Variants in GRHL2 observed in about 807,000 individuals in gnomAD.
GRHL2 encodes the protein grainyhead like transcription factor 2, also known as grainyhead-like protein 2 homolog.
In GRHL2, 21 loss-of-function variants were observed where a neutral mutation model predicts 83.8. That is an observed-to-expected ratio of 0.25 (90% CI 0.18 to 0.36). The LOEUF (loss-of-function observed/expected upper bound fraction) is 0.36. Ranked by LOEUF, GRHL2 falls within the 10% of genes least tolerant of loss-of-function variation. The pLI is 1.00. For synonymous variants in GRHL2, 280 were observed against 278.9 expected (o/e 1.00, Z -0.04); for missense variants, 623 against 781.8 (o/e 0.80, Z 2.42).
chr8:101,656,690 G>A (rs1013458228), intron 14 of GRHL2, among the ~76,000 whole-genome samples: 1 of 152,190 alleles, frequency 6.6e-6, no homozygotes, highest in Non-Finnish European at 1.5e-5. Flanking sequence ...CTTCTGAAAT[G>A]AGAATAATAA....
chr8:101,577,552 C>T (rs780649285), intron 7 of GRHL2, 33 bp downstream of exon 7: 6 of 1,374,210 alleles, frequency 4.4e-6, no homozygotes, highest in African/African-American at 1.4e-5. Context: ...GTATAGTCCT[C>T]GATAAACTGA....
At chr8:101,529,206 G>A in intron 1 of GRHL2, 1 of 258,712 alleles carries the variant, frequency 3.9e-6, no homozygotes, top group South Asian at 3.9e-5. Flanking sequence ...AGGCCAAGGT[G>A]GGCGGATCAT....
intron 14 of GRHL2, among the ~76,000 whole-genome samples, chr8:101,660,959 T>A (rs1278378147): frequency 6.6e-6 from 1 of 152,218 alleles, no homozygotes; most frequent in African/African-American, 2.4e-5. Context: ...TAGATTTTTC[T>A]TTGTCCTTTT....
the GRHL2 span, among the ~76,000 whole-genome samples, chr8:101,674,780 C>T: frequency 2.0e-5 from 3 of 152,106 alleles, no homozygotes; most frequent in Non-Finnish European, 4.4e-5. Context: ...GACCAATATC[C>T]TTGATGAACA....
chr8:101,636,039 C>T (rs1175632449), intron 11 of GRHL2, among the ~76,000 whole-genome samples: 1 of 152,108 alleles, frequency 6.6e-6, no homozygotes. Flanking sequence ...ATGTCTGATA[C>T]TAACTCAGGT....
chr8:101,583,207 A>G (rs1267230291), intron 7 of GRHL2, among the ~76,000 whole-genome samples: 1 of 152,222 alleles, frequency 6.6e-6, no homozygotes, highest in Non-Finnish European at 1.5e-5. Flanking sequence ...GGATATCTGT[A>G]TTTCAGGGAG....
In GRHL2 at chr8:101,632,297, G is replaced by A. The variant is rs1435558991; in HGVS notation, c.1417G>A (p.Asp473Asn). 1.2e-6 allele frequency: 2 copies of A among 1,613,918 alleles called. No individual in the cohort carries two copies. The highest frequency in any genetic ancestry group is 2.2e-5 in the East Asian group (1 of 44,878). The change falls in exon 11 of 16, where the codon GAT (aspartate) becomes AAT (asparagine). Residue 473 changes from aspartate (D) to asparagine (N), a missense_variant. By Grantham distance (23) the Asp-to-Asn change is conservative (BLOSUM62 1). Around this residue, in one of 8 missense-constraint regions of GRHL2, gnomAD observed 210 missense variants for 254.8 expected, o/e 0.82. Coordinates refer to ENST00000646743, the MANE Select transcript of GRHL2 (RefSeq NM_024915.4). ...SDITYFKTMP[D>N]LHSQPVLFIP... ...CATCACCTACTTCAAAACCATGCCT[G>A]ATCTCCACTCACAGCCAGTTCTCTT...
intron 1 of GRHL2, among the ~76,000 whole-genome samples, chr8:101,520,283 G>T (rs1384370006): frequency 6.6e-6 from 1 of 152,168 alleles, no homozygotes; most frequent in African/African-American, 2.4e-5. Context: ...AGTATGTGAG[G>T]TTACAAATTG....
chr8:101,514,811 GA>G (rs1406480381), intron 1 of GRHL2, among the ~76,000 whole-genome samples: 1 of 152,128 alleles, frequency 6.6e-6, no homozygotes, highest in Non-Finnish European at 1.5e-5. Flanking sequence ...GTTTGAGGGA[GA>G]AAGTCTCAAC....
At chr8:101,658,559 G>A (rs1012082180) in intron 14 of GRHL2, among the ~76,000 whole-genome samples, 2 of 152,090 alleles carry the variant, frequency 1.3e-5, no homozygotes, top group East Asian at 3.9e-4. Flanking sequence ...GGCTGGTGCC[G>A]CTGCTACCCT....
intron 1 of GRHL2, among the ~76,000 whole-genome samples, chr8:101,513,793 G>T (rs1810514800): frequency 6.6e-6 from 1 of 152,084 alleles, no homozygotes. Context: ...ATCGCGCCTG[G>T]CCATTGTGCA....
chr8:101,601,333 C>G (rs1812510824), intron 8 of GRHL2, among the ~76,000 whole-genome samples: 1 of 152,186 alleles, frequency 6.6e-6, no homozygotes, highest in Non-Finnish European at 1.5e-5. Context: ...AATGCTTTAA[C>G]TGTTCTGCTT....
At chr8:101,551,829 T>C (rs1208379630) in intron 2 of GRHL2, among the ~76,000 whole-genome samples, 4 of 150,850 alleles carry the variant, frequency 2.7e-5, no homozygotes, top group Non-Finnish European at 5.9e-5. Flanking sequence ...AGGTAATATG[T>C]TGGCATTGGG....
intron 1 of GRHL2, among the ~76,000 whole-genome samples, chr8:101,504,257 T>C (rs1483058736): frequency 2.0e-5 from 3 of 152,226 alleles, no homozygotes; most frequent in Non-Finnish European, 4.4e-5. Flanking sequence ...TAGTGACCTG[T>C]AGATTCATTA....
At chr8:101,591,733 T>C (rs1371969562) in intron 7 of GRHL2, among the ~76,000 whole-genome samples, 1 of 152,218 alleles carries the variant, frequency 6.6e-6, no homozygotes. Flanking sequence ...TCCTGCTTCA[T>C]AGAGTGGTTG....
chr8:101,659,995 A>G (rs796112868), intron 14 of GRHL2, among the ~76,000 whole-genome samples: 3 of 152,264 alleles, frequency 2.0e-5, no homozygotes, highest in African/African-American at 7.2e-5. Flanking sequence ...ATTTCTGGAA[A>G]CTTTTTTTTT....
chr8:101,616,143 TTC>T (rs1812852961), intron 8 of GRHL2, among the ~76,000 whole-genome samples: 1 of 151,008 alleles, frequency 6.6e-6, no homozygotes, highest in South Asian at 2.1e-4. Flanking sequence ...CTTTCTTTCT[TTC>T]TCTCTCTCTT....
intron 8 of GRHL2, among the ~76,000 whole-genome samples, chr8:101,603,409 A>G (rs1028273456): frequency 3.3e-5 from 5 of 152,210 alleles, no homozygotes; most frequent in Non-Finnish European, 7.4e-5. Context: ...ACCTGATAAT[A>G]AGGTTTATGG....
chr8:101,650,124 T>C (rs1813591278), intron 14 of GRHL2, among the ~76,000 whole-genome samples: 1 of 152,202 alleles, frequency 6.6e-6, no homozygotes, highest in African/African-American at 2.4e-5. Context: ...TACAACTATA[T>C]TGTAGAAGAT....
Sources: allele counts gnomAD v4.1 joint callset (sites outside exome capture counted in the v4.1 genomes callset), GRCh38; gene constraint gnomAD v4.1.1; regional missense constraint gnomAD v4.1.1; transcripts MANE v1.5; gene names NCBI Gene and HGNC (gene_info 2026-07-23, HGNC 2026-07-21).